ACTR3C: variants seen among roughly 807,000 people sequenced by gnomAD.
The protein encoded by ACTR3C is actin related protein 3C, also known as actin-related protein 3C.
In ACTR3C, 18 loss-of-function variants were observed where a neutral mutation model predicts 26.3. The ratio of observed to expected loss-of-function variants is 0.68; its 90% CI spans 0.47 to 1.01. ACTR3C has a LOEUF of 1.01. ACTR3C is among the 50% of genes least tolerant of loss of function. The probability of loss-of-function intolerance (pLI) is 0.00; values close to 1 mark genes in which losing one functional copy is unlikely to be tolerated. For missense variants in ACTR3C, 184 were observed against 250.7 expected (o/e 0.73, Z 1.80); for synonymous variants, 55 against 94.5 (o/e 0.58, Z 2.42).
chr7:150,007,220 C>T, the ACTR3C span, among the ~76,000 whole-genome samples: 2 of 152,164 alleles, frequency 1.3e-5, no homozygotes, highest in African/African-American at 4.8e-5. Flanking sequence ...AGTTCCATGG[C>T]CCCATGCCTG....
At chr7:150,137,370 T>G in the ACTR3C span, among the ~76,000 whole-genome samples, 1 of 151,978 alleles carries the variant, frequency 6.6e-6, no homozygotes, top group Non-Finnish European at 1.5e-5. Flanking sequence ...GAGGGAGAAA[T>G]CATCTACACT....
chr7:150,143,944 C>T, the ACTR3C span, among the ~76,000 whole-genome samples: 5 of 152,244 alleles, frequency 3.3e-5, no homozygotes, highest in Admixed American at 6.5e-5. Flanking sequence ...CTGGGCCAGG[C>T]TTCTTAGGGC....
chr7:150,042,500 G>A, the ACTR3C span, among the ~76,000 whole-genome samples: 1 of 150,448 alleles, frequency 6.6e-6, no homozygotes, highest in African/African-American at 2.5e-5. Flanking sequence ...CGCCTCGCGG[G>A]GATTGCCTCG....
the ACTR3C span, among the ~76,000 whole-genome samples, chr7:150,085,727 T>C: frequency 1.3e-5 from 2 of 152,228 alleles, no homozygotes; most frequent in Admixed American, 6.5e-5. Context: ...GTTTAATAAG[T>C]ATCCATCATT....
the ACTR3C span, among the ~76,000 whole-genome samples, chr7:149,928,701 T>C: frequency 2.7e-5 from 4 of 150,320 alleles, no homozygotes; most frequent in Non-Finnish European, 5.9e-5. Context: ...AAAACAGCCA[T>C]GCGTGGTGGT....
At chr7:149,960,647 C>A in the ACTR3C span, among the ~76,000 whole-genome samples, 2 of 152,070 alleles carry the variant, frequency 1.3e-5, no homozygotes, top group East Asian at 1.9e-4. Context: ...AGTCGACTGT[C>A]ATTAAACAAC....
At chr7:150,023,936 T>C in the ACTR3C span, among the ~76,000 whole-genome samples, 110,077 of 116,686 alleles carry the variant, frequency 0.94, 52,387 homozygotes, top group East Asian at 1. Context: ...GCAAAGGAGA[T>C]GACAGGAGGA....
the ACTR3C span, among the ~76,000 whole-genome samples, chr7:150,110,373 C>T: frequency 3.3e-5 from 5 of 149,848 alleles, no homozygotes; most frequent in Non-Finnish European, 5.9e-5. Context: ...TAGTCAGGGG[C>T]AAGACCCAGG....
Position 150,274,950 on chromosome 7 carries a change from G to A in ACTR3C, c.564+9803C>T, listed in dbSNP as rs1434463588. On this transcript the variant is annotated intron_variant, in intron 6 of 7. Coordinates refer to ENST00000683684, the MANE Select transcript of ACTR3C (RefSeq NM_001164458.2). The surrounding 1 kb of genome is among the most constrained non-coding windows in gnomAD (Gnocchi z 4.1). ...GACACTTTCCGGACACCAGCCCACA[G>A]TCATTCCCTCCCACAGCCCACTCAG... Among the ~76,000 whole-genome samples the A allele has an allele frequency of 6.6e-6, 1 of 152,222 alleles. No individual in the cohort carries two copies. The highest frequency in any genetic ancestry group is 1.5e-5 in the Non-Finnish European group (1 of 68,030).
chr7:150,003,799 GGTGTTT>G, the ACTR3C span, among the ~76,000 whole-genome samples: 6 of 152,312 alleles, frequency 3.9e-5, no homozygotes, highest in East Asian at 1.2e-3. Context: ...TGGTGTGTGT[GGTGTTT>G]GTGTTTGTGT....
At chr7:150,323,121 C>G (rs1165026117) in intron 1 of ACTR3C, 1 of 189,246 alleles carries the variant, frequency 5.3e-6, no homozygotes, top group East Asian at 1.9e-4. Flanking sequence ...TAAGGCCGCA[C>G]CGATAAACGA....
At chr7:150,010,611 T>A in the ACTR3C span, among the ~76,000 whole-genome samples, 1 of 151,252 alleles carries the variant, frequency 6.6e-6, no homozygotes, top group Non-Finnish European at 1.5e-5. Context: ...GGAGAATCGC[T>A]TGAACCTGGG....
the ACTR3C span, among the ~76,000 whole-genome samples, chr7:149,964,326 G>A: frequency 6.6e-6 from 1 of 152,196 alleles, no homozygotes; most frequent in African/African-American, 2.4e-5. Context: ...TATCTGAGGA[G>A]GACAAGATGC....
At chr7:150,167,080 T>TGCCATATCTTG in the ACTR3C span, among the ~76,000 whole-genome samples, 7,476 of 150,290 alleles carry the variant, frequency 0.05, 1,161 homozygotes, top group African/African-American at 0.18. Flanking sequence ...CTTAGGTTGA[T>TGCCATATCTTG]GCCATATCTT....
At chr7:150,096,768 T>G in the ACTR3C span, among the ~76,000 whole-genome samples, 1 of 151,948 alleles carries the variant, frequency 6.6e-6, no homozygotes, top group East Asian at 1.9e-4. Context: ...TCCCCATTCT[T>G]TGGCCATGGG....
chr7:150,267,461 C>T (rs1056143246), intron 6 of ACTR3C, among the ~76,000 whole-genome samples: 6 of 152,318 alleles, frequency 3.9e-5, no homozygotes, highest in Non-Finnish European at 7.3e-5. Flanking sequence ...CGCCACCTGC[C>T]CTGAGTCACT....
At chr7:150,047,779 G>T in the ACTR3C span, 17 of 1,522,680 alleles carry the variant, frequency 1.1e-5, no homozygotes, top group African/African-American at 2.4e-4. Flanking sequence ...CCCAGGAGGT[G>T]ACTCGCCTCC....
At position 150,295,260 on chromosome 7, in the gene ACTR3C, C is replaced by T; in HGVS notation, c.37G>A (p.Ala13Thr). 2 of 1,613,958 alleles carry T rather than the reference C, an allele frequency of 1.2e-6. No homozygotes were observed. The highest frequency in any genetic ancestry group is 1.7e-6 in the Non-Finnish European group (2 of 1,179,838). The change falls in exon 2 of 8, where the codon GCA becomes ACA. Residue 13 changes from alanine to threonine, a missense_variant. Physicochemically the swap from Ala to Thr is moderately conservative, Grantham distance 58. Transcript: ENST00000683684. ...ESFNVPGLYI[A>T]VQAVLALAAS... ...AACATAACTGGTTTTACCTGAACTG[C>T]AATGTAGAGTCCTGGAACGTTAAAT...
chr7:149,996,252 A>AG, the ACTR3C span, among the ~76,000 whole-genome samples: 76 of 151,630 alleles, frequency 5.0e-4, no homozygotes, highest in Non-Finnish European at 4.0e-4. Flanking sequence ...GAGGAGAGGA[A>AG]GGGGTAGGCT....
Sources: allele counts gnomAD v4.1 joint callset (sites outside exome capture counted in the v4.1 genomes callset), GRCh38; gene constraint gnomAD v4.1.1; non-coding constraint Gnocchi (gnomAD v3.1); transcripts MANE v1.5; gene names NCBI Gene and HGNC (gene_info 2026-07-23, HGNC 2026-07-21).